KDM4C: variants seen among roughly 807,000 people sequenced by gnomAD.
KDM4C encodes the protein lysine-specific demethylase 4C.
A neutral mutation model predicts 129.3 loss-of-function variants in KDM4C; 81 were observed. The ratio of observed to expected loss-of-function variants is 0.63; its 90% CI spans 0.52 to 0.75. KDM4C has a LOEUF of 0.75. Ranked by LOEUF, KDM4C falls within the 30% of genes least tolerant of loss-of-function variation. The pLI, the probability that KDM4C is intolerant of heterozygous loss-of-function variation, is 0.00. For missense variants in KDM4C, 1,457 were observed against 1,304.0 expected, an observed-to-expected ratio of 1.12 and a Z score of -1.81; for synonymous variants, 573 against 456.1, an observed-to-expected ratio of 1.26 and a Z score of -3.26.
At chr9:7,052,865 G>GAGAGAC in intron 17 of KDM4C, among the ~76,000 whole-genome samples, 1 of 27,680 alleles carries the variant, frequency 3.6e-5, no homozygotes, top group East Asian at 1.0e-3. Context: ...CACACCTGCA[G>GAGAGAC]AGAGAGAGAG....
chr9:6,723,189 C>G (rs1817013346), intron 1 of KDM4C, among the ~76,000 whole-genome samples: 1 of 151,950 alleles, frequency 6.6e-6, no homozygotes, highest in African/African-American at 2.4e-5. Context: ...GCCTGCCCAA[C>G]ATGGAGAAAC....
intron 4 of KDM4C, among the ~76,000 whole-genome samples, chr9:6,830,894 A>G (rs1203684582): frequency 6.6e-6 from 1 of 152,242 alleles, no homozygotes; most frequent in Non-Finnish European, 1.5e-5. Context: ...GGAAAAAACC[A>G]ACAACTGGGA....
intron 1 of KDM4C, among the ~76,000 whole-genome samples, chr9:6,732,427 C>A (rs1817381243): frequency 7.4e-6 from 1 of 135,124 alleles, no homozygotes; most frequent in African/African-American, 2.8e-5. Context: ...TTGTGGCTCA[C>A]ACACCTGTAT....
chr9:6,991,394 C>T (rs2760658), intron 12 of KDM4C, among the ~76,000 whole-genome samples: 149,879 of 152,260 alleles, frequency 0.98, 73,818 homozygotes, highest in East Asian at 1. Context: ...TTACCCTTCT[C>T]ACCTTTCTTT....
At chr9:7,022,220 T>C (rs533087557) in intron 15 of KDM4C, among the ~76,000 whole-genome samples, 3 of 152,314 alleles carry the variant, frequency 2.0e-5, no homozygotes, top group East Asian at 3.9e-4. Flanking sequence ...AGGGATTGCA[T>C]TGAATCTTTA....
At position 6,805,736 on chromosome 9, in the gene KDM4C, G is replaced by T; in HGVS notation, c.282G>T (p.Met94Ile). 2 of 1,613,554 alleles carry T rather than the reference G, an allele frequency of 1.2e-6. No individual in the cohort carries two copies. The highest frequency in any genetic ancestry group is 2.2e-5 in the East Asian group (1 of 44,882). The change falls in exon 3 of 22, where the codon ATG becomes ATT. Residue 94 changes from methionine to isoleucine, a missense_variant. By Grantham distance (10) the Met-to-Ile change is conservative (BLOSUM62 1). Coordinates refer to ENST00000381309, the MANE Select transcript of KDM4C (RefSeq NM_015061.6). ...FTQYNIQKKA[M>I]TVKEFRQLAN... is the part of the protein sequence containing the mutation. The stretch of plus-strand genomic sequence containing the variant: ...AGTACAACATCCAGAAAAAAGCGAT[G>T]ACTGTGAAGGAGTTCAGGCAGCTGG...
chr9:7,002,142 C>G (rs1820842511), intron 12 of KDM4C, among the ~76,000 whole-genome samples: 1 of 152,214 alleles, frequency 6.6e-6, no homozygotes, highest in South Asian at 2.1e-4. Context: ...ATCCTCCTGC[C>G]TTGGCCTCCC....
intron 17 of KDM4C, among the ~76,000 whole-genome samples, chr9:7,079,204 C>G (rs753270955): frequency 1.1e-4 from 17 of 152,140 alleles, no homozygotes; most frequent in Admixed American, 9.8e-4. Flanking sequence ...TGTATTAACT[C>G]TTCTATTCAA....
chr9:7,103,635 A>C, intron 17 of KDM4C, 50 bp from the exon 18 acceptor site: 1 of 1,385,252 alleles, frequency 7.2e-7, no homozygotes, highest in East Asian at 2.4e-5. Context: ...GTGGGAACTG[A>C]CTGGGTTACA....
intron 8 of KDM4C, among the ~76,000 whole-genome samples, chr9:6,963,186 A>G (rs1261968645): frequency 6.6e-6 from 1 of 152,220 alleles, no homozygotes; most frequent in Non-Finnish European, 1.5e-5. Flanking sequence ...GTACTTAGTA[A>G]ACTGTAAAGT....
intron 8 of KDM4C, among the ~76,000 whole-genome samples, chr9:6,920,084 G>C (rs1821198790): frequency 1.3e-5 from 2 of 152,114 alleles, no homozygotes. Context: ...CCATGCAGAA[G>C]AACTGGAGTT....
chr9:6,877,209 G>T lies in KDM4C; in HGVS notation c.630-2803G>T, dbSNP rs141544646. On this transcript the variant is annotated intron_variant, in intron 5 of 21. Coordinates refer to ENST00000381309, the MANE Select transcript of KDM4C (RefSeq NM_015061.6). ...AAAAGGCTTAGAAAGTGCTAAGCAAGATTTTTTTTGAGATGGAGTCTTGCT... is the reference window on the plus strand; with the variant it reads ...AAAAGGCTTAGAAAGTGCTAAGCAATATTTTTTTTGAGATGGAGTCTTGCT... Among the ~76,000 whole-genome samples, 356 of 152,202 alleles carry T rather than the reference G, an allele frequency of 2.3e-3. 2 individuals are homozygous for T. The highest frequency in any genetic ancestry group is 7.2e-3 in the African/African-American group (298 of 41,540).
intron 8 of KDM4C, among the ~76,000 whole-genome samples, chr9:6,939,358 G>A (rs1473731896): frequency 1.3e-5 from 2 of 152,048 alleles, no homozygotes; most frequent in Non-Finnish European, 2.9e-5. Flanking sequence ...GTGAGGGCAT[G>A]GCCTAGTTGC....
chr9:7,165,909 C>T (rs562825329), intron 20 of KDM4C, among the ~76,000 whole-genome samples: 2 of 152,296 alleles, frequency 1.3e-5, no homozygotes, highest in Admixed American at 6.5e-5. Flanking sequence ...ATCAGTTGGA[C>T]GTTCTGTTCA....
At chr9:6,993,690 T>A (rs918651173) in intron 12 of KDM4C, among the ~76,000 whole-genome samples, 1 of 152,204 alleles carries the variant, frequency 6.6e-6, no homozygotes, top group African/African-American at 2.4e-5. Context: ...GCTCTGTCTC[T>A]GGCCATGGAA....
rs539833865 is a variant in KDM4C, at chr9:7,150,606, G to A, written c.2782-14632G>A. ...AGGACACACTCAGAGGGAAGGAGAA[G>A]GCAGGAATGCAGAGAATCTCTTACC... On this transcript the variant is annotated intron_variant, in intron 19 of 21. Coordinates refer to ENST00000381309, the MANE Select transcript of KDM4C (RefSeq NM_015061.6). Among the ~76,000 whole-genome samples, 4 of 152,248 alleles carry A rather than the reference G, an allele frequency of 2.6e-5. No individual in the cohort carries two copies. In the East Asian group the frequency reaches 5.8e-4, roughly 22 times the overall value.
rs756735574 is a variant in KDM4C at position 7,174,626 on chromosome 9, A to G, written c.3068A>G (p.Gln1023Arg). 1.2e-6 allele frequency: 2 copies of G among 1,614,062 alleles called. No individual in the cohort carries two copies. The highest frequency in any genetic ancestry group is 2.7e-5 in the African/African-American group (2 of 74,944). ...ADIIQGERKR[Q>R]RVLSSRFKNE... The stretch of plus-strand genomic sequence containing the variant: ...ATTATCCAAGGGGAGAGAAAGAGAC[A>G]AAGAGTGCTGAGCTCCAGGTTTAAG... The change falls in exon 22 of 22, where the codon CAA becomes CGA. Residue 1023 changes from glutamine to arginine, a missense_variant. Transcript: ENST00000381309.
At chr9:7,088,027 C>T (rs1835342760) in intron 17 of KDM4C, among the ~76,000 whole-genome samples, 1 of 152,214 alleles carries the variant, frequency 6.6e-6, no homozygotes, top group South Asian at 2.1e-4. Context: ...GATTTCTGGG[C>T]TCCCACTTAG....
At position 6,867,056 on chromosome 9, in the gene KDM4C, A is replaced by G. The variant is rs193141220; in HGVS notation, c.630-12956A>G. ...TTGGAAGATGGAATCTTGCTCTGTC[A>G]CCAGGCTGGAGTGCAGTGGTGTGAT... is the stretch of plus-strand genomic sequence containing the variant. On this transcript the variant is annotated intron_variant, in intron 5 of 21. Transcript: ENST00000381309. Among the ~76,000 whole-genome samples the G allele has an allele frequency of 8.7e-3, 1,253 of 143,634 alleles. 15 individuals carry two copies. The highest frequency in any genetic ancestry group is 0.028 in the African/African-American group (1,082 of 38,314). The allele number at this position is 143,634 out of a possible 152,430, so 94.2% of individuals were successfully genotyped here.
Sources: gnomAD v4.1 joint callset for allele counts (sites outside exome capture counted in the v4.1 genomes callset) on GRCh38, gnomAD v4.1.1 for gene constraint, MANE v1.5 for transcripts, NCBI Gene and HGNC (gene_info 2026-07-23, HGNC 2026-07-21) for gene names.